GRID1: variants seen among roughly 807,000 people sequenced by gnomAD.
The protein encoded by GRID1 is glutamate ionotropic receptor delta type subunit 1.
A neutral mutation model predicts 98.0 loss-of-function variants in GRID1; 28 were observed. The ratio of observed to expected loss-of-function variants is 0.29; its 90% CI spans 0.21 to 0.39. GRID1 has a LOEUF of 0.39. Ranked by LOEUF, GRID1 falls within the 10% of genes least tolerant of loss-of-function variation. The probability of loss-of-function intolerance (pLI) is 1.00; values close to 1 mark genes in which losing one functional copy is unlikely to be tolerated. For missense variants in GRID1, 1,111 were observed against 1,340.5 expected (o/e 0.83, Z 2.67); for synonymous variants, 553 against 538.5 (o/e 1.03, Z -0.37).
chr10:85,868,949 G>T (rs1843248695), intron 6 of GRID1, 61 bp downstream of exon 6: 1 of 1,455,974 alleles, frequency 6.9e-7, no homozygotes, highest in East Asian at 2.3e-5. Flanking sequence ...GTCTCCCTTG[G>T]CCAAGGGTGT....
intron 2 of GRID1, among the ~76,000 whole-genome samples, chr10:86,235,976 T>A (rs1483898758): frequency 6.6e-6 from 1 of 152,220 alleles, no homozygotes; most frequent in Non-Finnish European, 1.5e-5. Flanking sequence ...TGTCAAACTG[T>A]TTTTCGCAGC....
intron 12 of GRID1, among the ~76,000 whole-genome samples, chr10:85,692,553 C>T (rs1002690868): frequency 6.6e-6 from 1 of 151,002 alleles, no homozygotes; most frequent in Non-Finnish European, 1.5e-5. Flanking sequence ...GTCCCAGCTA[C>T]ACAGGAGGGA....
chr10:85,717,873 A>G (rs564894771), intron 12 of GRID1, among the ~76,000 whole-genome samples: 152 of 152,246 alleles, frequency 1.0e-3, no homozygotes, highest in Non-Finnish European at 1.8e-3. Context: ...ATTGGCCACA[A>G]CAAAGGGGTT....
chr10:85,826,504 C>T (rs1162135329), intron 8 of GRID1, among the ~76,000 whole-genome samples: 2 of 152,094 alleles, frequency 1.3e-5, no homozygotes, highest in Non-Finnish European at 2.9e-5. Context: ...TGTGACCCTC[C>T]CCCGTCCCCC....
At chr10:86,255,068 A>G (rs1215644893) in intron 2 of GRID1, among the ~76,000 whole-genome samples, 2 of 151,930 alleles carry the variant, frequency 1.3e-5, no homozygotes, top group African/African-American at 2.4e-5. Flanking sequence ...ATCCTTTCCC[A>G]CTGTGTCTCC....
At chr10:86,039,374 C>T (rs535281486) in intron 4 of GRID1, among the ~76,000 whole-genome samples, 3 of 152,310 alleles carry the variant, frequency 2.0e-5, no homozygotes, top group Non-Finnish European at 4.4e-5. Flanking sequence ...CCCTTCAAAA[C>T]CCCTTTCTGA....
intron 4 of GRID1, among the ~76,000 whole-genome samples, chr10:85,963,042 G>C (rs1842290716): frequency 6.6e-6 from 1 of 152,208 alleles, no homozygotes; most frequent in African/African-American, 2.4e-5. Context: ...AGCCAGGGAA[G>C]TCTGGAAGAA....
At chr10:85,953,643 C>A (rs1431499186) in intron 4 of GRID1, among the ~76,000 whole-genome samples, 1 of 152,166 alleles carries the variant, frequency 6.6e-6, no homozygotes, top group Non-Finnish European at 1.5e-5. Flanking sequence ...CAACATCACA[C>A]TCAATTGCAA....
intron 4 of GRID1, among the ~76,000 whole-genome samples, chr10:86,086,976 T>C (rs1299396484): frequency 6.6e-6 from 1 of 152,244 alleles, no homozygotes; most frequent in East Asian, 1.9e-4. Context: ...TGCACTGTCG[T>C]TGTTTTAAGT....
At chr10:86,337,010 G>C in intron 2 of GRID1, among the ~76,000 whole-genome samples, 1 of 135,642 alleles carries the variant, frequency 7.4e-6, no homozygotes, top group Non-Finnish European at 1.5e-5. Flanking sequence ...AGGATGGCTA[G>C]TTTTTTGCAG....
intron 8 of GRID1, among the ~76,000 whole-genome samples, chr10:85,745,762 G>A (rs1425742956): frequency 6.6e-6 from 1 of 150,788 alleles, no homozygotes; most frequent in Admixed American, 6.6e-5. Flanking sequence ...TCACAAACAT[G>A]ACCAGGTTAG....
intron 4 of GRID1, among the ~76,000 whole-genome samples, chr10:86,086,492 A>T (rs866239270): frequency 2.2e-4 from 34 of 152,224 alleles, no homozygotes; most frequent in Admixed American, 6.5e-4. Flanking sequence ...AGGGAGACTG[A>T]GTGCCACCAT....
intron 3 of GRID1, among the ~76,000 whole-genome samples, chr10:86,145,999 C>T (rs1424543074): frequency 1.3e-5 from 2 of 152,182 alleles, no homozygotes; most frequent in Non-Finnish European, 2.9e-5. Context: ...ACTATCCCTC[C>T]ACTCCCTCTG....
At chr10:85,926,099 C>A (rs575752519) in intron 4 of GRID1, among the ~76,000 whole-genome samples, 1 of 152,166 alleles carries the variant, frequency 6.6e-6, no homozygotes, top group Non-Finnish European at 1.5e-5. Flanking sequence ...TAAGCTTCTT[C>A]TACCTCATGG....
intron 4 of GRID1, among the ~76,000 whole-genome samples, chr10:86,047,712 G>A (rs999896777): frequency 3.3e-5 from 5 of 152,130 alleles, no homozygotes; most frequent in Non-Finnish European, 7.3e-5. Flanking sequence ...CCTCCATGGT[G>A]CAGCAGAAGC....
chr10:86,229,258 C>T (rs994507079), intron 2 of GRID1, among the ~76,000 whole-genome samples: 12 of 152,158 alleles, frequency 7.9e-5, no homozygotes, highest in Admixed American at 3.9e-4. Context: ...ACTGCCAGTC[C>T]CCCTCCTCCC....
In GRID1 at chr10:85,762,698, C is replaced by A. The variant is rs150951367; in HGVS notation, c.1234-33084G>T. 8.5e-5 allele frequency among the ~76,000 whole-genome samples: 13 copies of A among 152,272 alleles called. No homozygotes were observed. The East Asian group carries it at 1.3e-3, about 16-fold the overall frequency. On this transcript the variant is annotated intron_variant, in intron 8 of 15. Transcript: ENST00000327946. The stretch of plus-strand genomic sequence containing the variant: ...CAGAGGCTTTCACAGACATGAGAAA[C>A]CAGGAAGAGAGAGGGCAATGGGGAA...
At chr10:85,770,825 T>C (rs990536561) in intron 8 of GRID1, among the ~76,000 whole-genome samples, 2 of 151,962 alleles carry the variant, frequency 1.3e-5, no homozygotes, top group Non-Finnish European at 2.9e-5. Context: ...TGGGACTATG[T>C]GAAAAGACCA....
chr10:85,661,465 G>A (rs1430376027), intron 12 of GRID1, among the ~76,000 whole-genome samples: 1 of 152,164 alleles, frequency 6.6e-6, no homozygotes, highest in Non-Finnish European at 1.5e-5. Context: ...TCATTTTGCA[G>A]TGTCTGTTGA....
Sources: allele counts gnomAD v4.1 joint callset (sites outside exome capture counted in the v4.1 genomes callset), GRCh38; gene constraint gnomAD v4.1.1; transcripts MANE v1.5; gene names NCBI Gene and HGNC (gene_info 2026-07-23, HGNC 2026-07-21).